Variants in DLG2 observed in about 807,000 individuals in gnomAD.
DLG2 encodes the protein disks large homolog 2.
A neutral mutation model predicts 132.5 loss-of-function variants in DLG2; 45 were observed. That is an observed-to-expected ratio of 0.34 (90% CI 0.27 to 0.44). The LOEUF is 0.44. Among genes scored for constraint, DLG2 ranks in the 20% least tolerant of loss-of-function variants. The pLI, the probability that DLG2 is intolerant of heterozygous loss-of-function variation, is 1.00. For synonymous variants in DLG2, 424 were observed against 419.6 expected, an observed-to-expected ratio of 1.01 and a Z score of -0.13; for missense variants, 1,045 against 1,196.9, an observed-to-expected ratio of 0.87 and a Z score of 1.87.
chr11:85,374,478 A>G (rs2085242600), intron 3 of DLG2, among the ~76,000 whole-genome samples: 1 of 152,178 alleles, frequency 6.6e-6, no homozygotes, highest in Non-Finnish European at 1.5e-5. Context: ...CTATAAAGAT[A>G]CTTATGTCCT....
intron 6 of DLG2, among the ~76,000 whole-genome samples, chr11:84,704,309 C>T (rs1303288760): frequency 2.0e-5 from 3 of 151,434 alleles, no homozygotes; most frequent in African/African-American, 7.3e-5. Flanking sequence ...AAGTTTTGTT[C>T]TTCTGTAAAG....
Position 84,799,784 on chromosome 11 carries a change from G to A in DLG2, c.358-265053C>T, listed in dbSNP as rs115539881. ...AATATTCAAGAGGTAGTTATTTCCT[G>A]AGTAGCCTTCTCTGTTCTATTCCCA... is the stretch of plus-strand genomic sequence containing the variant. On this transcript the variant is annotated intron_variant, in intron 6 of 27. Coordinates refer to ENST00000376104, the MANE Select transcript of DLG2 (RefSeq NM_001142699.3). Among the ~76,000 whole-genome samples the A allele has an allele frequency of 7.7e-3, 1,176 of 152,272 alleles. 19 individuals are homozygous for A. The highest frequency in any genetic ancestry group is 0.028 in the African/African-American group (1,144 of 41,546).
intron 7 of DLG2, among the ~76,000 whole-genome samples, chr11:84,348,184 C>T (rs982038791): frequency 1.3e-5 from 2 of 152,024 alleles, no homozygotes; most frequent in Non-Finnish European, 2.9e-5. Context: ...AGCCCTGTAC[C>T]TAAGGTAAAT....
chr11:83,510,176 A>C (rs1266450588), intron 21 of DLG2, among the ~76,000 whole-genome samples: 1 of 152,026 alleles, frequency 6.6e-6, no homozygotes, highest in Non-Finnish European at 1.5e-5. Flanking sequence ...TTCAGACTCT[A>C]TACTAGGAAG....
rs1428339866 is a variant in DLG2 at position 85,285,222 on chromosome 11, C to G, written c.184G>C (p.Glu62Gln). The change falls in exon 4 of 28, where the codon GAG becomes CAG. Residue 62 changes from glutamate (E) to glutamine (Q), a missense_variant and splice_region_variant. Glu to Gln is a conservative substitution (Grantham distance 29). Coordinates refer to ENST00000376104, the MANE Select transcript of DLG2 (RefSeq NM_001142699.3). Reference protein sequence around the residue: ...PCHDRLQKSSELTDCSGSKEN... With the variant: ...PCHDRLQKSSQLTDCSGSKEN... The stretch of plus-strand genomic sequence containing the variant: ...TTTTGGAAGTTTCAGTAGTATACCT[C>G]TGAAGATTTTTGAAGTCTGTCATGG... 3.1e-6 allele frequency: 5 copies of G among 1,610,994 alleles called. No homozygotes were observed. The highest frequency in any genetic ancestry group is 4.2e-6 in the Non-Finnish European group (5 of 1,178,134).
intron 4 of DLG2, among the ~76,000 whole-genome samples, chr11:85,184,188 A>G (rs1452250697): frequency 6.6e-6 from 1 of 152,042 alleles, no homozygotes; most frequent in East Asian, 1.9e-4. Flanking sequence ...ATCAATTTTA[A>G]GAGATGTAAT....
intron 6 of DLG2, among the ~76,000 whole-genome samples, chr11:84,694,816 TAC>T (rs1397638066): frequency 6.6e-6 from 1 of 151,544 alleles, no homozygotes; most frequent in South Asian, 2.1e-4. Context: ...GGGTTTGTAA[TAC>T]AGAGTGGGGG....
At chr11:83,601,242 A>G (rs1420209867) in intron 19 of DLG2, among the ~76,000 whole-genome samples, 1 of 152,208 alleles carries the variant, frequency 6.6e-6, no homozygotes, top group African/African-American at 2.4e-5. Context: ...TACTTTGCCA[A>G]GGGTCCTCAA....
At chr11:84,450,339 G>A (rs2099048047) in intron 7 of DLG2, among the ~76,000 whole-genome samples, 1 of 150,592 alleles carries the variant, frequency 6.6e-6, no homozygotes, top group African/African-American at 2.4e-5. Context: ...TTGGATTGGT[G>A]AAGACAGGCT....
At chr11:84,780,294 A>G (rs1436912480) in intron 6 of DLG2, among the ~76,000 whole-genome samples, 1 of 152,098 alleles carries the variant, frequency 6.6e-6, no homozygotes, top group Non-Finnish European at 1.5e-5. Flanking sequence ...GATCATCTCA[A>G]TAGACAAAGA....
At chr11:84,466,002 C>G (rs1478794906) in intron 7 of DLG2, among the ~76,000 whole-genome samples, 1 of 150,860 alleles carries the variant, frequency 6.6e-6, no homozygotes, top group Non-Finnish European at 1.5e-5. Flanking sequence ...AGATTGAATA[C>G]AGAAATAAGG....
intron 5 of DLG2, among the ~76,000 whole-genome samples, chr11:85,136,325 T>G (rs2076144544): frequency 6.6e-6 from 1 of 152,210 alleles, no homozygotes; most frequent in Admixed American, 6.5e-5. Flanking sequence ...ACATAACATT[T>G]TGAAGTGTAG....
In DLG2 at chr11:85,399,787, G is replaced by A. The variant is rs547707851; in HGVS notation, c.41-114422C>T. On this transcript the variant is annotated intron_variant, in intron 3 of 27. Coordinates refer to ENST00000376104, the MANE Select transcript of DLG2 (RefSeq NM_001142699.3). Reference sequence around the variant, plus strand: ...CCTTATACAAAAATTAATTCAAGATGGATTAAAGACTTAAATGTTAGACCT... The same window carrying A: ...CCTTATACAAAAATTAATTCAAGATAGATTAAAGACTTAAATGTTAGACCT... Among the ~76,000 whole-genome samples the A allele has an allele frequency of 8.1e-3, 1,239 of 152,106 alleles. 16 individuals are homozygous for A. The highest frequency in any genetic ancestry group is 0.028 in the African/African-American group (1,166 of 41,502).
chr11:84,024,490 G>T (rs2095485910), intron 11 of DLG2, among the ~76,000 whole-genome samples: 1 of 152,118 alleles, frequency 6.6e-6, no homozygotes, highest in African/African-American at 2.4e-5. Context: ...TGATAGCCAA[G>T]TTATAGAATC....
chr11:84,683,555 G>C (rs891305432), intron 6 of DLG2, among the ~76,000 whole-genome samples: 2 of 152,096 alleles, frequency 1.3e-5, no homozygotes, highest in African/African-American at 4.8e-5. Context: ...CAGCCTCCAA[G>C]AAACAGGGAT....
intron 3 of DLG2, among the ~76,000 whole-genome samples, chr11:85,379,277 C>T (rs945718140): frequency 2.0e-5 from 3 of 152,148 alleles, no homozygotes; most frequent in African/African-American, 7.2e-5. Context: ...ATCAAACATA[C>T]AACCACAGAC....
intron 9 of DLG2, among the ~76,000 whole-genome samples, chr11:84,147,514 T>C (rs2095129464): frequency 6.6e-6 from 1 of 152,196 alleles, no homozygotes; most frequent in Non-Finnish European, 1.5e-5. Context: ...CTCAAACTAT[T>C]GAAAATAAAA....
In DLG2 at chr11:84,062,309, C is replaced by G. The variant is rs1284967093; in HGVS notation, c.750-2825G>C. On this transcript the variant is annotated intron_variant, in intron 10 of 27. Coordinates refer to ENST00000376104, the MANE Select transcript of DLG2 (RefSeq NM_001142699.3). ...GAGGCCACTTTATCTTTTTGAACTT[C>G]AGTATCCCATAAAAGGAGAGAGACT... Among the ~76,000 whole-genome samples the G allele has an allele frequency of 7.2e-5, 11 of 152,100 alleles. No homozygotes were observed. The South Asian group carries it at 2.1e-3, about 29-fold the overall frequency.
chr11:83,959,975 G>C (rs188311675), intron 14 of DLG2, among the ~76,000 whole-genome samples: 1 of 152,098 alleles, frequency 6.6e-6, no homozygotes, highest in East Asian at 1.9e-4. Flanking sequence ...CTTACAGCTA[G>C]GGTGCATAGG....
Sources: allele counts gnomAD v4.1 joint callset (sites outside exome capture counted in the v4.1 genomes callset), GRCh38; gene constraint gnomAD v4.1.1; transcripts MANE v1.5; gene names NCBI Gene and HGNC (gene_info 2026-07-23, HGNC 2026-07-21).